NLRP5: variants seen among roughly 807,000 people sequenced by gnomAD.
NLRP5 encodes the protein NACHT, LRR and PYD domains-containing protein 5.
Under a neutral mutation model 113.1 loss-of-function variants are expected in NLRP5, and 93 were observed. That is an observed-to-expected ratio of 0.82 (90% CI 0.70 to 0.98). NLRP5 has a LOEUF of 0.98. Among genes scored for constraint, NLRP5 ranks in the 50% least tolerant of loss-of-function variants. NLRP5 has a pLI of 0.00. For missense variants in NLRP5, 1,808 were observed against 1,514.3 expected, an observed-to-expected ratio of 1.19 and a Z score of -3.22; for synonymous variants, 751 against 600.7, an observed-to-expected ratio of 1.25 and a Z score of -3.66.
chr19:56,023,425 G>A lies in NLRP5; in HGVS notation c.679+2994G>A, dbSNP rs374754598. 4.6e-5 allele frequency among the ~76,000 whole-genome samples: 7 copies of A among 152,286 alleles called. No homozygotes were observed. In the South Asian group the frequency reaches 1.2e-3, roughly 27 times the overall value. On this transcript the variant is annotated intron_variant, in intron 6 of 14. Transcript: ENST00000390649. ...ACAGACGGCCCTCCGTTTCCCATGG[G>A]TTCTGTGTCCATGGATTCAACTAAC...
chr19:56,007,975 G>A (rs1232889669), intron 2 of NLRP5, among the ~76,000 whole-genome samples: 6 of 70,750 alleles, frequency 8.5e-5, no homozygotes, highest in Non-Finnish European at 3.6e-5. Context: ...CTGGGCTGTC[G>A]CCCAGTGCAG....
chr19:56,005,249 AT>A (rs2123269736), intron 2 of NLRP5, among the ~76,000 whole-genome samples: 1 of 124,228 alleles, frequency 8.0e-6, no homozygotes, highest in South Asian at 2.7e-4. Flanking sequence ...ATACACACAT[AT>A]ATATTTATAT....
intron 1 of NLRP5, among the ~76,000 whole-genome samples, chr19:56,001,856 C>T (rs1981664985): frequency 6.6e-6 from 1 of 152,132 alleles, no homozygotes; most frequent in Non-Finnish European, 1.5e-5. Context: ...TGTTTTATTA[C>T]ATGGTATTCC....
At chr19:56,058,558 G>C in intron 14 of NLRP5, 148 bp downstream of exon 14, 1 of 661,660 alleles carries the variant, frequency 1.5e-6, no homozygotes. Context: ...TACGTTCTGA[G>C]TACCATGCTG....
At position 56,017,042 on chromosome 19, in the gene NLRP5, C is replaced by A. The variant is rs544018628; in HGVS notation, c.565+1244C>A. Among the ~76,000 whole-genome samples, 6 of 152,096 alleles carry A rather than the reference C, an allele frequency of 3.9e-5. No individual in the cohort carries two copies. In the East Asian group the frequency reaches 9.7e-4, roughly 25 times the overall value. On this transcript the variant is annotated intron_variant, in intron 4 of 14. Coordinates refer to ENST00000390649, the MANE Select transcript of NLRP5 (RefSeq NM_153447.4). The stretch of plus-strand genomic sequence containing the variant: ...CAGGATGGTCTCAGTCTCTTGACCT[C>A]GTGATCCGCCCGCCTCGGCCTCCCA...
chr19:56,050,391 C>T, intron 11 of NLRP5, 27 bp from the exon 12 acceptor site: 1 of 1,606,698 alleles, frequency 6.2e-7, no homozygotes, highest in South Asian at 1.1e-5. Context: ...GCATCACGAT[C>T]TTCTTTCCCA....
upstream of NLRP5, among the ~76,000 whole-genome samples, chr19:55,994,810 G>T (rs7249598): frequency 0.025 from 3,794 of 152,206 alleles, 135 homozygotes; most frequent in African/African-American, 0.085. Context: ...AGTCTTAGCC[G>T]CAAAATATTT....
chr19:56,042,306 C>T (rs916593898), intron 11 of NLRP5, among the ~76,000 whole-genome samples: 1 of 152,046 alleles, frequency 6.6e-6, no homozygotes, highest in African/African-American at 2.4e-5. Context: ...CATTATTTTT[C>T]CAAAAGTTAT....
At chr19:56,031,871 G>A (rs903952119) in intron 7 of NLRP5, among the ~76,000 whole-genome samples, 5 of 152,170 alleles carry the variant, frequency 3.3e-5, no homozygotes, top group Admixed American at 1.3e-4. Context: ...CACAGTGAGC[G>A]TGGGAGACCA....
intron 11 of NLRP5, among the ~76,000 whole-genome samples, chr19:56,042,892 C>A (rs1036026565): frequency 3.3e-5 from 5 of 152,182 alleles, no homozygotes; most frequent in Non-Finnish European, 7.3e-5. Context: ...GAATAATAGT[C>A]TCCAACTCAT....
At chr19:56,033,462 T>G in intron 8 of NLRP5, 80 bp from the exon 9 acceptor site, 1 of 1,111,790 alleles carries the variant, frequency 9.0e-7, no homozygotes, top group East Asian at 2.4e-5. Context: ...CAAGTTAGAA[T>G]GGGAGAAGGA....
In NLRP5 at chr19:56,050,579, A is replaced by C; in HGVS notation, c.3119A>C (p.Gln1040Pro). 1 of 1,613,496 alleles carries C rather than the reference A, an allele frequency of 6.2e-7. No homozygotes were observed. The highest frequency in any genetic ancestry group is 8.5e-7 in the Non-Finnish European group (1 of 1,179,590). The change falls in exon 12 of 15, where the codon CAG becomes CCG. Residue 1040 changes from glutamine (Q) to proline (P), a missense_variant. Coordinates refer to ENST00000390649, the MANE Select transcript of NLRP5 (RefSeq NM_153447.4). ...ATGAGAGAACCATCTTGTCATCTCC[A>C]GGACCTGGAGTGAGTTTCCCATGGG...
intron 11 of NLRP5, among the ~76,000 whole-genome samples, chr19:56,044,888 A>G (rs1983665758): frequency 1.3e-5 from 2 of 152,000 alleles, no homozygotes; most frequent in African/African-American, 4.8e-5. Flanking sequence ...TCTTTCAGCA[A>G]TGTTTTGTAG....
At chr19:56,050,289 GAAAA>G (rs565376878) in intron 11 of NLRP5, 125 bp from the exon 12 acceptor site, 4 of 664,966 alleles carry the variant, frequency 6.0e-6, no homozygotes, top group South Asian at 2.3e-5. Flanking sequence ...AAAAAAAAAA[GAAAA>G]AAAAACAAAT....
Position 56,013,076 on chromosome 19 carries a change from A to T in NLRP5, c.509-2666A>T, listed in dbSNP as rs142270899. Among the ~76,000 whole-genome samples, 70 of 152,304 alleles carry T rather than the reference A, an allele frequency of 4.6e-4. 1 individual carries two copies. The highest frequency in any genetic ancestry group is 1.6e-3 in the African/African-American group (68 of 41,572). ...TCACTCCCCATACCCAGCCCCTGGA[A>T]ACCAGTCATCCACTTTGTGTCTGTG... On this transcript the variant is annotated intron_variant, in intron 3 of 14. Transcript: ENST00000390649.
rs577562145 is a variant in NLRP5, at chr19:56,015,231, A to G, written c.509-511A>G. ...GTTTGTTTGTTTTTGACAGAGTTTCACTCTTGTTGCCCAGGCTGGAGTGGT... is the reference window on the plus strand; with the variant it reads ...GTTTGTTTGTTTTTGACAGAGTTTCGCTCTTGTTGCCCAGGCTGGAGTGGT... On this transcript the variant is annotated intron_variant, in intron 3 of 14. Coordinates refer to ENST00000390649, the MANE Select transcript of NLRP5 (RefSeq NM_153447.4). Among the ~76,000 whole-genome samples the G allele has an allele frequency of 5.3e-5, 8 of 151,588 alleles. No individual in the cohort carries two copies. The South Asian group carries it at 1.7e-3, about 32-fold the overall frequency.
chr19:56,057,074 C>T (rs145924388), intron 13 of NLRP5, among the ~76,000 whole-genome samples: 323 of 152,148 alleles, frequency 2.1e-3, no homozygotes, highest in Admixed American at 3.9e-3. Context: ...AGGTGGAGGT[C>T]GCAGTGAGTC....
chr19:55,995,657 T>A (rs1181219720), upstream of NLRP5, among the ~76,000 whole-genome samples: 1 of 152,202 alleles, frequency 6.6e-6, no homozygotes, highest in Non-Finnish European at 1.5e-5. Context: ...GGGATTGCAT[T>A]GAATCTGTAG....
the NLRP5 span, among the ~76,000 whole-genome samples, chr19:55,990,093 T>G: frequency 1.2e-4 from 16 of 137,320 alleles, no homozygotes; most frequent in African/African-American, 4.3e-4. Context: ...TTTTTTTTTT[T>G]TTTTTTTTTT....
Sources: gnomAD v4.1 joint callset for allele counts (sites outside exome capture counted in the v4.1 genomes callset) on GRCh38, gnomAD v4.1.1 for gene constraint, MANE v1.5 for transcripts, NCBI Gene and HGNC (gene_info 2026-07-23, HGNC 2026-07-21) for gene names.